The following PDZD2 variants were observed in gnomAD, a reference collection of about 807,000 sequenced individuals.
PDZD2 encodes the protein PDZ domain-containing protein 2.
Under a neutral mutation model 220.7 loss-of-function variants are expected in PDZD2, and 90 were observed. That is an observed-to-expected ratio of 0.41 (90% CI 0.34 to 0.49). The LOEUF is 0.49. PDZD2 is among the 20% of genes least tolerant of loss of function. PDZD2 has a pLI of 0.28. For synonymous variants in PDZD2, 1,375 were observed against 1,450.5 expected, an observed-to-expected ratio of 0.95 and a Z score of 1.18; for missense variants, 3,174 against 3,608.5, an observed-to-expected ratio of 0.88 and a Z score of 3.08.
At chr5:31,790,840 A>G (rs575777154) in intron 1 of PDZD2, among the ~76,000 whole-genome samples, 2 of 151,572 alleles carry the variant, frequency 1.3e-5, no homozygotes, top group Non-Finnish European at 2.9e-5. Flanking sequence ...CTGGGATTAC[A>G]GGCACCCACC....
At chr5:31,683,821 A>G (rs1396478186) in intron 1 of PDZD2, among the ~76,000 whole-genome samples, 11 of 152,236 alleles carry the variant, frequency 7.2e-5, no homozygotes, top group Non-Finnish European at 2.9e-5. Flanking sequence ...TCTGTTGAAT[A>G]AATTAATCCA....
intron 2 of PDZD2, among the ~76,000 whole-genome samples, chr5:31,831,123 T>C (rs78268759): frequency 0.015 from 2,259 of 152,362 alleles, 55 homozygotes; most frequent in African/African-American, 0.05. Context: ...CACAGTGATA[T>C]GGACATTTGA....
chr5:32,108,178 CA>C lies in PDZD2; in HGVS notation c.*46del. ...TTTCTCAGTTCTCTTCTTTCTTTAGCAAATCAGAGTGACTTCTTTAAACCAC... is the reference window on the plus strand; with the variant it reads ...TTTCTCAGTTCTCTTCTTTCTTTAGCAATCAGAGTGACTTCTTTAAACCAC... On this transcript the variant is annotated 3_prime_UTR_variant, in exon 25 of 25. Transcript: ENST00000438447. The C allele has an allele frequency of 7.1e-7, 1 of 1,402,298 alleles. No individual in the cohort carries two copies. The highest frequency in any genetic ancestry group is 9.9e-7 in the Non-Finnish European group (1 of 1,007,202). The allele number at this position is 1,402,298 out of a possible 1,614,324, so 86.9% of individuals were successfully genotyped here.
intron 24 of PDZD2, among the ~76,000 whole-genome samples, chr5:32,104,864 C>T (rs758969957): frequency 5.9e-5 from 9 of 151,352 alleles, no homozygotes; most frequent in Non-Finnish European, 8.8e-5. Context: ...GGCAGGGTAC[C>T]GTGGCTCACA....
chr5:32,069,478 T>C, intron 14 of PDZD2, 91 bp from the exon 15 acceptor site: 1 of 759,506 alleles, frequency 1.3e-6, no homozygotes, highest in Admixed American at 2.0e-5. Flanking sequence ...CCTCTTTATC[T>C]GCACTTGACT....
chr5:31,842,604 G>C (rs1422427624), intron 2 of PDZD2, among the ~76,000 whole-genome samples: 1 of 152,196 alleles, frequency 6.6e-6, no homozygotes. Flanking sequence ...TGGGTTCCTG[G>C]AAGTTCCCAT....
chr5:31,821,302 A>ATT (rs140379938), intron 2 of PDZD2, among the ~76,000 whole-genome samples: 1 of 151,410 alleles, frequency 6.6e-6, no homozygotes, highest in African/African-American at 2.4e-5. Flanking sequence ...TATAAATCTA[A>ATT]TTTTTTGTAA....
intron 1 of PDZD2, among the ~76,000 whole-genome samples, chr5:31,698,776 C>G (rs1747487918): frequency 6.6e-6 from 1 of 152,136 alleles, no homozygotes; most frequent in Admixed American, 6.5e-5. Flanking sequence ...AAGTAGGTGG[C>G]CCCAAGGTTA....
chr5:31,986,527 G>A (rs1339343031), intron 3 of PDZD2, among the ~76,000 whole-genome samples: 1 of 152,032 alleles, frequency 6.6e-6, no homozygotes, highest in Admixed American at 6.6e-5. Flanking sequence ...GGAACCAATA[G>A]ACCTTCATAC....
intron 8 of PDZD2, among the ~76,000 whole-genome samples, chr5:32,051,892 C>T (rs1738590434): frequency 6.6e-6 from 1 of 152,132 alleles, no homozygotes; most frequent in South Asian, 2.1e-4. Context: ...GTGAGTTAGG[C>T]TTAAAATGGC....
intron 1 of PDZD2, among the ~76,000 whole-genome samples, chr5:31,713,557 G>A (rs1748255542): frequency 6.6e-6 from 1 of 152,292 alleles, no homozygotes; most frequent in Non-Finnish European, 1.5e-5. Context: ...GGGTCATGCA[G>A]GTACATCCGT....
chr5:32,064,712 A>T (rs1740045548), intron 14 of PDZD2, among the ~76,000 whole-genome samples: 1 of 152,120 alleles, frequency 6.6e-6, no homozygotes, highest in African/African-American at 2.4e-5. Context: ...TCACATCTGT[A>T]GTCCTAGCAC....
intron 2 of PDZD2, among the ~76,000 whole-genome samples, chr5:31,881,326 A>ATATGTGTG (rs1229479758): frequency 8.1e-6 from 1 of 123,226 alleles, no homozygotes; most frequent in African/African-American, 3.1e-5. Context: ...TTCCATATAT[A>ATATGTGTG]TGTGTGTGTG....
At chr5:31,798,792 C>T (rs1754204494) in intron 1 of PDZD2, 97 bp from the exon 2 acceptor site, 2 of 166,886 alleles carry the variant, frequency 1.2e-5, no homozygotes, top group South Asian at 1.7e-4. Context: ...CTGGAAAGTA[C>T]ACATGGTCCT....
chr5:31,959,609 C>G (rs1422056189), intron 2 of PDZD2, among the ~76,000 whole-genome samples: 2 of 152,094 alleles, frequency 1.3e-5, no homozygotes, highest in African/African-American at 2.4e-5. Flanking sequence ...CTCGACCTCT[C>G]AAAGTGCTGG....
chr5:31,747,992 C>T (rs1477899675), intron 1 of PDZD2: 1 of 152,218 alleles, frequency 6.6e-6, no homozygotes, highest in South Asian at 2.1e-4. Context: ...AGAAGGTCCT[C>T]ATTCCTTAGA....
At chr5:31,873,284 A>G (rs1738993530) in intron 2 of PDZD2, among the ~76,000 whole-genome samples, 1 of 151,990 alleles carries the variant, frequency 6.6e-6, no homozygotes, top group Non-Finnish European at 1.5e-5. Context: ...AAATTTAAAA[A>G]TTAGCTGGGC....
intron 2 of PDZD2, among the ~76,000 whole-genome samples, chr5:31,955,354 G>A (rs987262754): frequency 6.6e-5 from 10 of 151,890 alleles, no homozygotes; most frequent in African/African-American, 2.4e-4. Context: ...AGGCTGCAGT[G>A]CAGTGGCATG....
intron 1 of PDZD2, among the ~76,000 whole-genome samples, chr5:31,785,386 T>A (rs1259090901): frequency 6.8e-6 from 1 of 147,966 alleles, no homozygotes; most frequent in African/African-American, 2.5e-5. Context: ...TATATTTATA[T>A]ATATAAATAT....
Sources: gnomAD v4.1 joint callset for allele counts (sites outside exome capture counted in the v4.1 genomes callset) on GRCh38, gnomAD v4.1.1 for gene constraint, MANE v1.5 for transcripts, NCBI Gene and HGNC (gene_info 2026-07-23, HGNC 2026-07-21) for gene names.